The following GABPA variants were observed in gnomAD, a reference collection of about 807,000 sequenced individuals.
GABPA encodes GA-binding protein alpha chain.
GABPA carries 4 observed loss-of-function variants against 59.4 expected under a neutral mutation model. The ratio of observed to expected loss-of-function variants is 0.07; its 90% CI spans 0.03 to 0.15. GABPA has a LOEUF of 0.15. Ranked by LOEUF, GABPA falls within the 10% of genes least tolerant of loss-of-function variation. The pLI is 1.00. For synonymous variants in GABPA, 164 were observed against 183.1 expected (o/e 0.90, Z 0.84); for missense variants, 251 against 543.8 (o/e 0.46, Z 5.36).
chr21:25,758,164 G>A lies in GABPA; in HGVS notation c.708G>A (p.Arg236=). ...NQEDFFQRVP[R]GEILWSHLEL... ...AAGATTTTTTTCAGCGGGTTCCTCG[G>A]GGAGAAATTCTCTGGAGTCATCTGG... Residue 236 remains arginine, a synonymous_variant, in exon 6 of 10, where the codon CGG becomes CGA. Coordinates refer to ENST00000400075, the MANE Select transcript of GABPA (RefSeq NM_002040.4). The A allele has an allele frequency of 6.2e-7, 1 of 1,607,616 alleles. No homozygotes were observed. Among genetic ancestry groups the A allele is most frequent in the African/African-American group, 1.3e-5 (1 of 74,618 alleles).
chr21:25,745,452 TAAG>T (rs995050411), intron 3 of GABPA, 98 bp downstream of exon 3: 18 of 1,144,316 alleles, frequency 1.6e-5, no homozygotes, highest in Admixed American at 5.1e-5. Flanking sequence ...TTTATCTCTG[TAAG>T]AAGATTTGAC....
chr21:25,739,995 A>G (rs752179863), intron 1 of GABPA, among the ~76,000 whole-genome samples: 1 of 152,298 alleles, frequency 6.6e-6, no homozygotes, highest in South Asian at 2.1e-4. Flanking sequence ...AAGAGTGGAC[A>G]CAGGGACCCC....
At chr21:25,740,299 A>G (rs186045011) in intron 1 of GABPA, among the ~76,000 whole-genome samples, 28 of 152,356 alleles carry the variant, frequency 1.8e-4, no homozygotes, top group Non-Finnish European at 1.6e-4. Flanking sequence ...TAAATTCTTC[A>G]TTTAGTGAAA....
chr21:25,753,144 T>C lies in GABPA; in HGVS notation c.553+910T>C, dbSNP rs535802799. Among the ~76,000 whole-genome samples, 17 of 152,288 alleles carry C rather than the reference T, an allele frequency of 1.1e-4. No homozygotes were observed. In the South Asian group the frequency reaches 3.5e-3, roughly 32 times the overall value. On this transcript the variant is annotated intron_variant, in intron 5 of 9. Coordinates refer to ENST00000400075, the MANE Select transcript of GABPA (RefSeq NM_002040.4). ...TGTTAAATGCTGGGCTTAATTAAGA[T>C]GGTGCACTATGAAGAGCATGCTTTC...
intron 3 of GABPA, among the ~76,000 whole-genome samples, chr21:25,747,185 G>A (rs2035388826): frequency 6.6e-6 from 1 of 152,142 alleles, no homozygotes; most frequent in Admixed American, 6.5e-5. Context: ...TCACTTGTTT[G>A]AGACGAAAAA....
At chr21:25,745,178 T>C in intron 2 of GABPA, 32 bp from the exon 3 acceptor site, 1 of 1,604,734 alleles carries the variant, frequency 6.2e-7, no homozygotes, top group South Asian at 1.1e-5. Flanking sequence ...GTAAAAAATG[T>C]AACTGTTAGC....
At position 25,740,885 on chromosome 21, in the gene GABPA, T is replaced by C. The variant is rs73338284; in HGVS notation, c.-26-688T>C. Among the ~76,000 whole-genome samples the C allele has an allele frequency of 8.2e-3, 1,255 of 152,350 alleles. 19 individuals carry two copies. The highest frequency in any genetic ancestry group is 0.029 in the African/African-American group (1,210 of 41,578). ...GATACTTTGCAGTAAATTCTGCTAC[T>C]AAGGTACAACTTTCAGCTGAATAAA... is the stretch of plus-strand genomic sequence containing the variant. On this transcript the variant is annotated intron_variant, in intron 1 of 9. Transcript: ENST00000400075.
At chr21:25,744,253 A>G (rs772513971) in intron 2 of GABPA, among the ~76,000 whole-genome samples, 11 of 152,068 alleles carry the variant, frequency 7.2e-5, no homozygotes, top group Non-Finnish European at 1.3e-4. Context: ...GCTACTTGGG[A>G]GGCTGAGGTG....
At chr21:25,740,092 A>C (rs1454410644) in intron 1 of GABPA, among the ~76,000 whole-genome samples, 1 of 152,182 alleles carries the variant, frequency 6.6e-6, no homozygotes, top group Non-Finnish European at 1.5e-5. Context: ...TATTTGGACA[A>C]CCATGGTTCA....
At chr21:25,756,443 T>C (rs1568948105) in intron 5 of GABPA, among the ~76,000 whole-genome samples, 1 of 152,196 alleles carries the variant, frequency 6.6e-6, no homozygotes, top group Non-Finnish European at 1.5e-5. Context: ...CTGTGGGCCA[T>C]TCTCCTGAAA....
intron 9 of GABPA, 90 bp downstream of exon 9, chr21:25,764,877 G>T (rs1601153423): frequency 5.9e-6 from 5 of 848,448 alleles, no homozygotes; most frequent in South Asian, 2.9e-5. Flanking sequence ...GCATTGTTAT[G>T]TAATGATATT....
chr21:25,762,170 C>T (rs377621717), intron 6 of GABPA, 142 bp from the exon 7 acceptor site: 38 of 495,480 alleles, frequency 7.7e-5, no homozygotes, highest in African/African-American at 7.3e-4. Context: ...GGTTTTTATG[C>T]CAGTAAGTTT....
intron 9 of GABPA, 34 bp from the exon 10 acceptor site, chr21:25,768,970 C>A: frequency 1.6e-6 from 2 of 1,235,304 alleles, no homozygotes; most frequent in Non-Finnish European, 2.3e-6. Context: ...CTCATTTTTT[C>A]TGAAGTCTCT....
At chr21:25,738,361 A>G (rs954678196) in intron 1 of GABPA, among the ~76,000 whole-genome samples, 3 of 152,096 alleles carry the variant, frequency 2.0e-5, no homozygotes, top group Non-Finnish European at 2.9e-5. Context: ...TCCTTTTCCT[A>G]TGCTTTAACT....
rs763296625 is a variant in GABPA, at chr21:25,735,002, T to C, written c.-603T>C. 5.8e-6 allele frequency: 9 copies of C among 1,545,966 alleles called. No individual in the cohort carries two copies. In the Admixed American group the frequency reaches 1.6e-4, roughly 27 times the overall value. On this transcript the variant is annotated 5_prime_UTR_variant, in exon 1 of 10. Coordinates refer to ENST00000400075, the MANE Select transcript of GABPA (RefSeq NM_002040.4). ...GTCGACGCTCACCGGACAGGAAGCG[T>C]CTCGGAGACAGTCTGCGACCGGACG...
chr21:25,763,229 C>G (rs1369549006), intron 7 of GABPA: 2 of 477,340 alleles, frequency 4.2e-6, no homozygotes, highest in Non-Finnish European at 8.1e-6. Flanking sequence ...ACATTACTGT[C>G]TAGTTTGAGA....
intron 9 of GABPA, among the ~76,000 whole-genome samples, chr21:25,766,709 A>G (rs888029985): frequency 1.3e-5 from 2 of 151,948 alleles, no homozygotes; most frequent in Non-Finnish European, 2.9e-5. Context: ...TCTGTTGAGG[A>G]TATGGAGCAA....
chr21:25,754,247 T>G (rs1036632745), intron 5 of GABPA, among the ~76,000 whole-genome samples: 10 of 151,872 alleles, frequency 6.6e-5, no homozygotes, highest in Admixed American at 6.5e-4. Context: ...ACTTTTTAAA[T>G]GTAACTATTA....
rs71649656 is a variant in GABPA at position 25,737,795 on chromosome 21, AT to A, written c.-27+2225del. On this transcript the variant is annotated intron_variant, in intron 1 of 9. Transcript: ENST00000400075. ...TCTTTATAAGCCCTGAAAATAAGTGATTTTTTTTAAGTGCTATTCTGCTATA... is the reference window on the plus strand; with the variant it reads ...TCTTTATAAGCCCTGAAAATAAGTGATTTTTTTAAGTGCTATTCTGCTATA... Among the ~76,000 whole-genome samples the A allele has an allele frequency of 7.9e-3, 1,195 of 152,128 alleles. 18 individuals are homozygous for A. Among genetic ancestry groups the A allele is most frequent in the African/African-American group, 0.025 (1,057 of 41,476 alleles).
Sources: gnomAD v4.1 joint callset for allele counts (sites outside exome capture counted in the v4.1 genomes callset) on GRCh38, gnomAD v4.1.1 for gene constraint, MANE v1.5 for transcripts, NCBI Gene and HGNC (gene_info 2026-07-23, HGNC 2026-07-21) for gene names.